The following MYRIP variants were observed in gnomAD, a reference collection of about 807,000 sequenced individuals.
MYRIP encodes myosin VIIA and Rab interacting protein.
In MYRIP, 49 loss-of-function variants were observed where a neutral mutation model predicts 98.0. That is an observed-to-expected ratio of 0.50 (90% CI 0.40 to 0.63). The LOEUF is 0.63. MYRIP is among the 30% of genes least tolerant of loss of function. The probability of loss-of-function intolerance (pLI) is 0.00; values close to 1 mark genes in which losing one functional copy is unlikely to be tolerated. For missense variants in MYRIP, 1,004 were observed against 1,058.2 expected, an observed-to-expected ratio of 0.95 and a Z score of 0.71; for synonymous variants, 404 against 409.5, an observed-to-expected ratio of 0.99 and a Z score of 0.16.
At chr3:39,884,282 C>T (rs1335429133) in intron 1 of MYRIP, among the ~76,000 whole-genome samples, 2 of 151,982 alleles carry the variant, frequency 1.3e-5, no homozygotes, top group African/African-American at 2.4e-5. Flanking sequence ...TGGACTTGTC[C>T]CTCCCTGCTC....
intron 2 of MYRIP, among the ~76,000 whole-genome samples, chr3:39,956,372 A>G (rs530182245): frequency 6.6e-6 from 1 of 152,150 alleles, no homozygotes; most frequent in African/African-American, 2.4e-5. Flanking sequence ...GGATTAAGAA[A>G]CTCACTCAAA....
intron 3 of MYRIP, among the ~76,000 whole-genome samples, chr3:40,148,956 G>C (rs1197376380): frequency 1.3e-5 from 2 of 152,200 alleles, no homozygotes; most frequent in Non-Finnish European, 2.9e-5. Flanking sequence ...CTCCAAGTTT[G>C]TGAGTTAGGC....
At chr3:40,069,899 C>A (rs1242755900) in intron 3 of MYRIP, among the ~76,000 whole-genome samples, 7 of 152,164 alleles carry the variant, frequency 4.6e-5, no homozygotes, top group Non-Finnish European at 1.5e-5. Flanking sequence ...AGGTTGGGGA[C>A]CCCTGTCTTA....
intron 13 of MYRIP, among the ~76,000 whole-genome samples, chr3:40,247,441 T>A (rs950552508): frequency 2.0e-5 from 3 of 152,204 alleles, no homozygotes; most frequent in Non-Finnish European, 4.4e-5. Context: ...TCCTTTTATA[T>A]CTGAGGAAAC....
chr3:40,071,159 G>A (rs973166032), intron 3 of MYRIP: 7 of 985,356 alleles, frequency 7.1e-6, no homozygotes, highest in Non-Finnish European at 8.4e-6. Context: ...TCCCTGACTT[G>A]TTCTGACCTG....
At chr3:39,849,639 G>A (rs77139447) in intron 1 of MYRIP, among the ~76,000 whole-genome samples, 70 of 152,236 alleles carry the variant, frequency 4.6e-4, no homozygotes, top group African/African-American at 1.7e-3. Context: ...GTTAAAAGGA[G>A]GATTTTTGGG....
chr3:40,144,887 A>G (rs1036235847), intron 3 of MYRIP, among the ~76,000 whole-genome samples: 24 of 152,324 alleles, frequency 1.6e-4, no homozygotes, highest in Middle Eastern at 3.4e-3. Flanking sequence ...GCAAGCTCCC[A>G]GTTTTTAATC....
At chr3:39,997,809 A>G (rs1253850414) in intron 2 of MYRIP, among the ~76,000 whole-genome samples, 3 of 152,252 alleles carry the variant, frequency 2.0e-5, no homozygotes, top group Admixed American at 6.5e-5. Flanking sequence ...AACGAAATCC[A>G]GCAGCACGTC....
At chr3:39,994,528 C>T (rs924031403) in intron 2 of MYRIP, among the ~76,000 whole-genome samples, 45 of 152,222 alleles carry the variant, frequency 3.0e-4, no homozygotes, top group Non-Finnish European at 5.0e-4. Flanking sequence ...AGTAGGTAAA[C>T]AAAGTGGCCG....
intron 3 of MYRIP, among the ~76,000 whole-genome samples, chr3:40,097,608 C>A (rs570565529): frequency 6.6e-6 from 1 of 152,182 alleles, no homozygotes; most frequent in Non-Finnish European, 1.5e-5. Context: ...TAAAAAACAC[C>A]CCCTCTCCAC....
At chr3:39,939,342 G>A (rs1322040814) in intron 2 of MYRIP, among the ~76,000 whole-genome samples, 1 of 152,164 alleles carries the variant, frequency 6.6e-6, no homozygotes, top group Admixed American at 6.5e-5. Context: ...ACACTCTAGA[G>A]TGATCTGGCT....
At chr3:40,115,076 A>G (rs565060613) in intron 3 of MYRIP, among the ~76,000 whole-genome samples, 2 of 152,204 alleles carry the variant, frequency 1.3e-5, no homozygotes, top group East Asian at 1.9e-4. Flanking sequence ...TGAAATATCA[A>G]TATCAGTATA....
chr3:39,969,438 G>A (rs1441300946), intron 2 of MYRIP, among the ~76,000 whole-genome samples: 1 of 148,602 alleles, frequency 6.7e-6, no homozygotes, highest in Admixed American at 6.8e-5. Context: ...TGCCCATTCA[G>A]TATAATGTTG....
At chr3:40,167,411 T>G (rs1296408084) in intron 7 of MYRIP, among the ~76,000 whole-genome samples, 172 bp downstream of exon 7, 2 of 152,234 alleles carry the variant, frequency 1.3e-5, no homozygotes, top group Non-Finnish European at 2.9e-5. Context: ...TGCATCGCAC[T>G]GCTTGCTTGC....
At chr3:39,950,894 AATCTT>A (rs1321700248) in intron 2 of MYRIP, among the ~76,000 whole-genome samples, 1 of 152,224 alleles carries the variant, frequency 6.6e-6, no homozygotes, top group Non-Finnish European at 1.5e-5. Context: ...GAATCATCAA[AATCTT>A]GGCATTCTTT....
At chr3:39,812,678 A>G (rs116644634) in intron 1 of MYRIP, among the ~76,000 whole-genome samples, 2,436 of 152,364 alleles carry the variant, frequency 0.016, 56 homozygotes, top group African/African-American at 0.055. Flanking sequence ...TAAAAAGTTG[A>G]CAGAGAATCA....
chr3:40,007,222 C>T (rs1445377491), intron 2 of MYRIP, among the ~76,000 whole-genome samples: 1 of 152,096 alleles, frequency 6.6e-6, no homozygotes, highest in Non-Finnish European at 1.5e-5. Flanking sequence ...TGGAGAAAGC[C>T]GTTTCAAAAT....
chr3:40,057,584 C>A (rs1483291208), intron 3 of MYRIP, among the ~76,000 whole-genome samples: 2 of 152,178 alleles, frequency 1.3e-5, no homozygotes, highest in Non-Finnish European at 2.9e-5. Context: ...TGGCTTCTCA[C>A]AGACCACCCC....
intron 1 of MYRIP, among the ~76,000 whole-genome samples, chr3:39,888,418 A>G (rs1296489650): frequency 2.0e-5 from 3 of 152,080 alleles, no homozygotes; most frequent in Admixed American, 2.0e-4. Context: ...GAGAAAAACA[A>G]GCAATGGGGA....
Sources: allele counts gnomAD v4.1 joint callset (sites outside exome capture counted in the v4.1 genomes callset), GRCh38; gene constraint gnomAD v4.1.1; transcripts MANE v1.5; gene names NCBI Gene and HGNC (gene_info 2026-07-23, HGNC 2026-07-21).